PDGFC: variants seen among roughly 807,000 people sequenced by gnomAD.
PDGFC encodes platelet derived growth factor C.
In PDGFC, 12 loss-of-function variants were observed where a neutral mutation model predicts 35.5. The ratio of observed to expected loss-of-function variants is 0.34; its 90% CI spans 0.22 to 0.55. PDGFC has a LOEUF of 0.55. PDGFC is among the 20% of genes least tolerant of loss of function. The probability of loss-of-function intolerance (pLI) is 0.91; values close to 1 mark genes in which losing one functional copy is unlikely to be tolerated. For missense variants in PDGFC, 322 were observed against 412.4 expected, an observed-to-expected ratio of 0.78 and a Z score of 1.90; for synonymous variants, 159 against 148.8, an observed-to-expected ratio of 1.07 and a Z score of -0.50.
At chr4:156,911,513 A>C (rs1731039820) in intron 1 of PDGFC, among the ~76,000 whole-genome samples, 1 of 152,118 alleles carries the variant, frequency 6.6e-6, no homozygotes, top group Non-Finnish European at 1.5e-5. Flanking sequence ...TAATAGTTAA[A>C]GGTTGTGCAG....
intron 3 of PDGFC, among the ~76,000 whole-genome samples, chr4:156,808,200 C>G (rs79290780): frequency 3.3e-5 from 5 of 152,026 alleles, no homozygotes; most frequent in Non-Finnish European, 2.9e-5. Flanking sequence ...GGGTTTTGGA[C>G]AACTCTAAGA....
intron 1 of PDGFC, among the ~76,000 whole-genome samples, chr4:156,919,099 T>C (rs1023246295): frequency 6.6e-6 from 1 of 152,216 alleles, no homozygotes. Context: ...TTCCATCTGA[T>C]ATAAGCAATA....
intron 3 of PDGFC, among the ~76,000 whole-genome samples, chr4:156,801,394 T>A (rs1731606780): frequency 6.6e-6 from 1 of 152,192 alleles, no homozygotes; most frequent in South Asian, 2.1e-4. Context: ...TCCCCTGTCT[T>A]GATAAATCAG....
At chr4:156,854,980 T>G (rs888152010) in intron 1 of PDGFC, among the ~76,000 whole-genome samples, 3 of 151,980 alleles carry the variant, frequency 2.0e-5, no homozygotes, top group African/African-American at 7.2e-5. Flanking sequence ...CAGATTACCA[T>G]ACCCAACTCC....
chr4:156,855,542 T>C (rs910022168), intron 1 of PDGFC, among the ~76,000 whole-genome samples: 2 of 152,198 alleles, frequency 1.3e-5, no homozygotes, highest in Non-Finnish European at 2.9e-5. Flanking sequence ...CTCACGGATG[T>C]CCTGTGACAT....
intron 1 of PDGFC, among the ~76,000 whole-genome samples, chr4:156,945,589 G>C (rs1731927883): frequency 6.6e-6 from 1 of 151,784 alleles, no homozygotes; most frequent in African/African-American, 2.4e-5. Context: ...CTCTCTCAAA[G>C]AGGCTACTCT....
chr4:156,849,553 G>A (rs1320169314), intron 2 of PDGFC, among the ~76,000 whole-genome samples: 1 of 151,936 alleles, frequency 6.6e-6, no homozygotes, highest in Non-Finnish European at 1.5e-5. Flanking sequence ...TATTCATATG[G>A]GATTTACAGA....
chr4:156,931,175 C>A (rs955309187), intron 1 of PDGFC, among the ~76,000 whole-genome samples: 3 of 152,146 alleles, frequency 2.0e-5, no homozygotes, highest in African/African-American at 7.2e-5. Flanking sequence ...CCTTCCAGAA[C>A]TTGAAACTGA....
chr4:156,910,687 T>A (rs2110803055), intron 1 of PDGFC, among the ~76,000 whole-genome samples: 2 of 152,254 alleles, frequency 1.3e-5, no homozygotes, highest in South Asian at 4.1e-4. Flanking sequence ...TTTCTCCACA[T>A]CCTCACCAGT....
rs1218936594 is a variant in PDGFC at position 156,971,636 on chromosome 4, C to G, written c.-733G>C. Among the ~76,000 whole-genome samples the G allele has an allele frequency of 4.6e-5, 7 of 151,928 alleles. No homozygotes were observed. In the South Asian group the frequency reaches 1.0e-3, roughly 22 times the overall value. On this transcript the variant is annotated 5_prime_UTR_variant, in exon 1 of 6. Coordinates refer to ENST00000502773, the MANE Select transcript of PDGFC (RefSeq NM_016205.3). ...TCCGGCACCTGGCTTGAGTTTTCCG[C>G]GACCAAAGTTCACCTTGTTCGGGCT...
intron 1 of PDGFC, among the ~76,000 whole-genome samples, chr4:156,948,997 G>A (rs1732014405): frequency 6.6e-6 from 1 of 151,886 alleles, no homozygotes; most frequent in South Asian, 2.1e-4. Flanking sequence ...GAGGTCCTGT[G>A]CTGCTGAAAT....
chr4:156,897,680 C>A (rs2110748385), intron 1 of PDGFC, among the ~76,000 whole-genome samples: 1 of 152,212 alleles, frequency 6.6e-6, no homozygotes, highest in Non-Finnish European at 1.5e-5. Flanking sequence ...CAGACATTAG[C>A]ATTTTTATGT....
intron 1 of PDGFC, among the ~76,000 whole-genome samples, chr4:156,921,001 A>G (rs1731263170): frequency 6.6e-6 from 1 of 152,190 alleles, no homozygotes; most frequent in Non-Finnish European, 1.5e-5. Context: ...TTAACTGAGA[A>G]TGAACCTCTT....
At chr4:156,889,441 T>C (rs1730451580) in intron 1 of PDGFC, among the ~76,000 whole-genome samples, 1 of 152,162 alleles carries the variant, frequency 6.6e-6, no homozygotes, top group Non-Finnish European at 1.5e-5. Flanking sequence ...GCAGGAAAAC[T>C]TTGAATTAGT....
rs540891852 is a variant in PDGFC, at chr4:156,893,483, T to A, written c.119-43067A>T. Among the ~76,000 whole-genome samples the A allele has an allele frequency of 2.6e-5, 4 of 152,154 alleles. No homozygotes were observed. In the South Asian group the frequency reaches 8.3e-4, roughly 32 times the overall value. On this transcript the variant is annotated intron_variant, in intron 1 of 5. Transcript: ENST00000502773. The stretch of plus-strand genomic sequence containing the variant: ...TTGGGACTATAGGTGCATGATTTTT[T>A]AAGTTTTTTATTTTATTTTATTTTA...
intron 1 of PDGFC, among the ~76,000 whole-genome samples, chr4:156,859,754 G>C (rs1300488502): frequency 6.6e-6 from 1 of 152,016 alleles, no homozygotes; most frequent in East Asian, 1.9e-4. Context: ...TAATAAGAAA[G>C]CTTGGATAGT....
intron 3 of PDGFC, among the ~76,000 whole-genome samples, chr4:156,794,789 T>C (rs1001441692): frequency 6.6e-6 from 1 of 152,010 alleles, no homozygotes; most frequent in Non-Finnish European, 1.5e-5. Context: ...AGAACAAAAA[T>C]ATATTAAATA....
chr4:156,885,316 T>C (rs1730350304), intron 1 of PDGFC, among the ~76,000 whole-genome samples: 1 of 152,178 alleles, frequency 6.6e-6, no homozygotes, highest in Non-Finnish European at 1.5e-5. Context: ...ATTCCATCAA[T>C]GTAACTGCAT....
At chr4:156,928,599 T>G (rs1399107505) in intron 1 of PDGFC, among the ~76,000 whole-genome samples, 1 of 152,182 alleles carries the variant, frequency 6.6e-6, no homozygotes, top group Non-Finnish European at 1.5e-5. Context: ...GACTGGAAGA[T>G]GCATAGATTG....
Sources: allele counts gnomAD v4.1 joint callset (sites outside exome capture counted in the v4.1 genomes callset), GRCh38; gene constraint gnomAD v4.1.1; transcripts MANE v1.5; gene names NCBI Gene and HGNC (gene_info 2026-07-23, HGNC 2026-07-21).